The following PCYT1B variants were observed in gnomAD, a reference collection of about 807,000 sequenced individuals.
PCYT1B encodes the protein phosphate cytidylyltransferase 1B, choline.
Under a neutral mutation model 26.4 loss-of-function variants are expected in PCYT1B, and 10 were observed. The ratio of observed to expected loss-of-function variants is 0.38; its 90% CI spans 0.23 to 0.64. The LOEUF is 0.64. Ranked by LOEUF, PCYT1B falls within the 30% of genes least tolerant of loss-of-function variation. The pLI is 0.56. For synonymous variants in PCYT1B, 131 were observed against 108.4 expected (o/e 1.21, Z -1.29); for missense variants, 161 against 292.7 (o/e 0.55, Z 3.28).
chrX:24,629,021 C>T (rs1193866419), intron 1 of PCYT1B, among the ~76,000 whole-genome samples: 1 of 111,992 alleles, frequency 8.9e-6, no homozygotes, highest in East Asian at 2.8e-4. Context: ...ATCTTGCTGC[C>T]ATCTCACTGG....
At chrX:24,668,427 A>G (rs989228468) in intron 1 of PCYT1B, among the ~76,000 whole-genome samples, 1 of 111,740 alleles carries the variant, frequency 8.9e-6, no homozygotes, top group Admixed American at 9.5e-5. Context: ...TTTCCTTTTG[A>G]TAAATGTATT....
In PCYT1B at chrX:24,642,241, G is replaced by T. The variant is rs770356729; in HGVS notation, c.117+4748C>A. Among the ~76,000 whole-genome samples the T allele has an allele frequency of 7.1e-5, 8 of 112,299 alleles. No homozygotes were observed. In the East Asian group the frequency reaches 2.2e-3, roughly 32 times the overall value. On this transcript the variant is annotated intron_variant, in intron 1 of 7. Transcript: ENST00000379144. ...TCCACAGCACCTGGTGCATTGCTGT[G>T]TCTGGAAGTTGTTAACCACCTGGCT...
chrX:24,662,168 A>AAAAC (rs139220122), intron 1 of PCYT1B, among the ~76,000 whole-genome samples: 35 of 108,923 alleles, frequency 3.2e-4, no homozygotes, highest in East Asian at 1.5e-3. Context: ...GACTGTCTCA[A>AAAAC]AAACAAACAA....
At chrX:24,644,756 C>T (rs147860076) in intron 1 of PCYT1B, among the ~76,000 whole-genome samples, 15 of 111,517 alleles carry the variant, frequency 1.3e-4, no homozygotes, top group African/African-American at 2.6e-4. Flanking sequence ...TAAGCTGTCA[C>T]GAGTGAAAGT....
chrX:24,614,599 CTA>C lies in PCYT1B; in HGVS notation c.217+4384_217+4385del, dbSNP rs747699465. Among the ~76,000 whole-genome samples the C allele has an allele frequency of 4.5e-5, 5 of 112,034 alleles. No individual in the cohort carries two copies. In the East Asian group the frequency reaches 1.4e-3, roughly 31 times the overall value. ...GAGCATTATCAAATACCAAATTCTG[CTA>C]TGTTTTGTCTTTTTTGAGGGCACGC... On this transcript the variant is annotated intron_variant, in intron 2 of 7. Transcript: ENST00000379144.
At chrX:24,604,009 A>G (rs1242467139) in intron 3 of PCYT1B, among the ~76,000 whole-genome samples, 4 of 111,499 alleles carry the variant, frequency 3.6e-5, no homozygotes. Context: ...GCCTATACAC[A>G]GGAGGTTAGA....
intron 2 of PCYT1B, among the ~76,000 whole-genome samples, chrX:24,613,144 T>A (rs1408201475): frequency 1.8e-5 from 2 of 111,814 alleles, no homozygotes; most frequent in East Asian, 5.6e-4. Flanking sequence ...TCACCACTCT[T>A]TCTTCTACCT....
At chrX:24,570,847 A>G (rs753706957) in intron 7 of PCYT1B, among the ~76,000 whole-genome samples, 2 of 111,140 alleles carry the variant, frequency 1.8e-5, no homozygotes, top group East Asian at 5.7e-4. Context: ...GCATTGTCAA[A>G]GGCCTTAGAG....
intron 1 of PCYT1B, among the ~76,000 whole-genome samples, chrX:24,637,515 T>TA (rs1374482055): frequency 3.6e-5 from 3 of 82,927 alleles, no homozygotes; most frequent in East Asian, 9.8e-4. Flanking sequence ...TATATATAAA[T>TA]TAGCTGAGCG....
At chrX:24,669,324 C>T (rs1031912797) in intron 1 of PCYT1B, among the ~76,000 whole-genome samples, 3 of 109,416 alleles carry the variant, frequency 2.7e-5, no homozygotes, top group Non-Finnish European at 5.7e-5. Context: ...CGAGACCAGC[C>T]TGACCAACAT....
intron 1 of PCYT1B, among the ~76,000 whole-genome samples, chrX:24,624,002 C>G (rs61760943): frequency 6.6e-4 from 63 of 95,865 alleles, no homozygotes; most frequent in Non-Finnish European, 1.2e-3. Context: ...GACAGAGTCT[C>G]GCTCTGTCGC....
intron 1 of PCYT1B, among the ~76,000 whole-genome samples, chrX:24,660,415 C>T (rs1287011475): frequency 7.1e-5 from 8 of 112,310 alleles, no homozygotes; most frequent in Non-Finnish European, 1.1e-4. Context: ...TGGTGGCTCA[C>T]GCCTGTAATC....
intron 1 of PCYT1B, among the ~76,000 whole-genome samples, chrX:24,631,905 C>T (rs755199073): frequency 9.4e-6 from 1 of 106,063 alleles, no homozygotes; most frequent in African/African-American, 3.4e-5. Flanking sequence ...TGCACTCCAG[C>T]CTGGGTGACA....
chrX:24,611,529 G>A (rs963748040), intron 2 of PCYT1B, among the ~76,000 whole-genome samples: 20 of 111,456 alleles, frequency 1.8e-4, no homozygotes, highest in African/African-American at 6.5e-4. Flanking sequence ...GAGACGTTAA[G>A]GTGGCTCCTA....
rs758989478 is a variant in PCYT1B, at chrX:24,621,912, T to C, written c.118-2828A>G. The C allele has an allele frequency of 4.9e-4, 254 of 518,027 alleles. 1 individual carries two copies. The highest frequency in any genetic ancestry group is 5.8e-4 in the Non-Finnish European group (245 of 424,746). The allele number at this position is 518,027 out of a possible 1,213,427, so 42.7% of individuals were successfully genotyped here. On this transcript the variant is annotated intron_variant, in intron 1 of 7. Coordinates refer to ENST00000379144, the MANE Select transcript of PCYT1B (RefSeq NM_004845.5). ...GTAATTAAAACAGAGATAGGGAACGTTGTAAAGCAACAATAGTTACTCAAA... is the reference window on the plus strand; with the variant it reads ...GTAATTAAAACAGAGATAGGGAACGCTGTAAAGCAACAATAGTTACTCAAA...
intron 7 of PCYT1B, among the ~76,000 whole-genome samples, chrX:24,564,186 GAA>G (rs11354588): frequency 9.2e-5 from 9 of 97,886 alleles, no homozygotes; most frequent in Admixed American, 2.2e-4. Flanking sequence ...CGTCTCAAGA[GAA>G]AAAAAAAAAA....
At chrX:24,654,370 G>A (rs1926855719) in intron 1 of PCYT1B, among the ~76,000 whole-genome samples, 1 of 104,910 alleles carries the variant, frequency 9.5e-6, no homozygotes, top group African/African-American at 3.4e-5. Context: ...GCCTCCCAAA[G>A]TGCTGGGATT....
At chrX:24,564,281 C>A (rs1045147681) in intron 7 of PCYT1B, among the ~76,000 whole-genome samples, 2 of 111,634 alleles carry the variant, frequency 1.8e-5, no homozygotes, top group Non-Finnish European at 3.8e-5. Context: ...TATATTTTCC[C>A]CCATATTTTT....
chrX:24,664,533 C>T (rs1927087934), intron 1 of PCYT1B, among the ~76,000 whole-genome samples: 1 of 112,199 alleles, frequency 8.9e-6, no homozygotes, highest in Non-Finnish European at 1.9e-5. Flanking sequence ...TTTATTAACT[C>T]GTGGAAAGGA....
Sources: allele counts gnomAD v4.1 joint callset (sites outside exome capture counted in the v4.1 genomes callset), GRCh38; gene constraint gnomAD v4.1.1; transcripts MANE v1.5; gene names NCBI Gene and HGNC (gene_info 2026-07-23, HGNC 2026-07-21).